Variants in PTPN2 observed in about 807,000 individuals in gnomAD.
The protein encoded by PTPN2 is protein tyrosine phosphatase non-receptor type 2, also known as tyrosine-protein phosphatase non-receptor type 2.
PTPN2 carries 19 observed loss-of-function variants against 57.3 expected under a neutral mutation model. The ratio of observed to expected loss-of-function variants is 0.33; its 90% confidence interval spans 0.23 to 0.49. The LOEUF is 0.49. PTPN2 is among the 20% of genes least tolerant of loss of function. The pLI is 0.99. For synonymous variants in PTPN2, 153 were observed against 164.9 expected (o/e 0.93, Z 0.55); for missense variants, 358 against 501.1 (o/e 0.71, Z 2.73).
At chr18:12,807,585 A>AAAAAAAAAAAAAAAAAATATT (rs2041714783) in intron 7 of PTPN2, among the ~76,000 whole-genome samples, 1 of 79,420 alleles carries the variant, frequency 1.3e-5, no homozygotes, top group African/African-American at 3.8e-5. Context: ...AAAAAAAAAA[A>AAAAAAAAAAAAAAAAAATATT]AATATATATA....
chr18:12,814,652 G>A (rs1338088923), intron 6 of PTPN2, among the ~76,000 whole-genome samples: 1 of 152,062 alleles, frequency 6.6e-6, no homozygotes, highest in Non-Finnish European at 1.5e-5. Flanking sequence ...TTAAAGGAAG[G>A]ATTTATAACC....
intron 7 of PTPN2, among the ~76,000 whole-genome samples, chr18:12,804,672 A>C (rs1364426515): frequency 6.6e-6 from 1 of 152,200 alleles, no homozygotes; most frequent in Admixed American, 6.5e-5. Context: ...ACGAACTATC[A>C]AAACGGAACC....
intron 8 of PTPN2, among the ~76,000 whole-genome samples, chr18:12,800,543 C>T (rs981374661): frequency 1.1e-4 from 17 of 152,046 alleles, no homozygotes; most frequent in Admixed American, 3.3e-4. Context: ...AATAACATTA[C>T]TAAATCATAA....
intron 1 of PTPN2, among the ~76,000 whole-genome samples, chr18:12,861,002 C>T (rs1396931553): frequency 6.6e-6 from 1 of 152,026 alleles, no homozygotes; most frequent in African/African-American, 2.4e-5. Flanking sequence ...AGTTAGGTGC[C>T]ATTTTGTTTA....
intron 7 of PTPN2, among the ~76,000 whole-genome samples, chr18:12,805,926 C>G (rs2041633348): frequency 6.6e-6 from 1 of 152,154 alleles, no homozygotes. Flanking sequence ...CCGCACCGGG[C>G]TAGGATGCCC....
chr18:12,864,552 C>G (rs201284481), intron 1 of PTPN2, among the ~76,000 whole-genome samples: 1 of 152,042 alleles, frequency 6.6e-6, no homozygotes, highest in African/African-American at 2.4e-5. Flanking sequence ...CCCGCCACCA[C>G]GCCCGGCTAA....
chr18:12,848,367 C>A (rs1322150209), intron 2 of PTPN2, among the ~76,000 whole-genome samples: 1 of 152,218 alleles, frequency 6.6e-6, no homozygotes, highest in African/African-American at 2.4e-5. Context: ...AATATGTCCA[C>A]AATTCACTGA....
intron 1 of PTPN2, among the ~76,000 whole-genome samples, chr18:12,881,488 A>G (rs1489036359): frequency 6.6e-6 from 1 of 152,126 alleles, no homozygotes; most frequent in African/African-American, 2.4e-5. Context: ...CAATTCCACA[A>G]TGAGTTCCTA....
intron 1 of PTPN2, among the ~76,000 whole-genome samples, chr18:12,882,318 G>A (rs1236512840): frequency 6.6e-6 from 1 of 152,112 alleles, no homozygotes; most frequent in East Asian, 1.9e-4. Context: ...AGGATTCCTC[G>A]GTAAGAATCT....
At chr18:12,838,158 A>G (rs993073680) in intron 2 of PTPN2, among the ~76,000 whole-genome samples, 4 of 152,258 alleles carry the variant, frequency 2.6e-5, no homozygotes, top group Non-Finnish European at 5.9e-5. Flanking sequence ...TTTTAAAATT[A>G]AAGTTCCACT....
intron 2 of PTPN2, among the ~76,000 whole-genome samples, chr18:12,842,584 G>A (rs1372700636): frequency 1.3e-5 from 2 of 152,130 alleles, no homozygotes; most frequent in African/African-American, 4.8e-5. Context: ...AGTGTTCCAA[G>A]CACAGAGAAC....
rs1397738434 is a variant in PTPN2, at chr18:12,793,299, G to A, written c.*979C>T. On this transcript the variant is annotated 3_prime_UTR_variant, in exon 9 of 9. Coordinates refer to ENST00000309660, the MANE Select transcript of PTPN2 (RefSeq NM_002828.4). Reference sequence around the variant, plus strand: ...TATTGAAGTAGAAAGAAACTGAAAAGTGTTTACTTCAAAACTTCAGTCTAG... The same window carrying A: ...TATTGAAGTAGAAAGAAACTGAAAAATGTTTACTTCAAAACTTCAGTCTAG... 3 of 972,068 alleles carry A rather than the reference G, an allele frequency of 3.1e-6. No individual in the cohort carries two copies. The highest frequency in any genetic ancestry group is 6.2e-5 in the Admixed American group (1 of 16,244). The allele number at this position is 972,068 out of a possible 1,614,324, so 60.2% of individuals were successfully genotyped here. A position where few individuals can be genotyped will look rare whatever the true frequency, so the allele number is the denominator to read the frequency against.
intron 7 of PTPN2, among the ~76,000 whole-genome samples, chr18:12,804,496 C>A (rs144700450): frequency 1.4e-4 from 21 of 149,514 alleles, no homozygotes; most frequent in African/African-American, 5.2e-4. Flanking sequence ...CAAACAAAAT[C>A]AACAAACCTA....
chr18:12,793,129 A>T lies in PTPN2; in HGVS notation c.*1149T>A, dbSNP rs1008722404. 4 of 984,704 alleles carry T rather than the reference A, an allele frequency of 4.1e-6. No individual in the cohort carries two copies. In the African/African-American group the frequency reaches 7.0e-5, roughly 17 times the overall value. The allele number at this position is 984,704 out of a possible 1,614,324, so 61.0% of individuals were successfully genotyped here. On this transcript the variant is annotated 3_prime_UTR_variant, in exon 9 of 9. Transcript: ENST00000309660. Reference sequence around the variant, plus strand: ...TGTAACAACAATTTCAAGTTTAAGTAAGACAAATTAAACACTGAATGGAAT... The same window carrying T: ...TGTAACAACAATTTCAAGTTTAAGTTAGACAAATTAAACACTGAATGGAAT...
intron 8 of PTPN2, among the ~76,000 whole-genome samples, chr18:12,799,894 G>A (rs1264794996): frequency 6.6e-6 from 1 of 152,068 alleles, no homozygotes; most frequent in East Asian, 1.9e-4. Context: ...ACCTCCCACA[G>A]CACTGAGATT....
chr18:12,826,202 A>T (rs550894054), intron 4 of PTPN2, among the ~76,000 whole-genome samples: 1 of 152,330 alleles, frequency 6.6e-6, no homozygotes, highest in East Asian at 1.9e-4. Flanking sequence ...CAGGAGTTCG[A>T]GACCAACCTG....
rs201977065 is a variant in PTPN2, at chr18:12,859,204, T to C, written c.120A>G (p.Pro40=). 4 of 1,613,666 alleles carry C rather than the reference T, an allele frequency of 2.5e-6. No individual in the cohort carries two copies. In the Admixed American group the frequency reaches 5.0e-5, roughly 20 times the overall value. The part of the protein sequence containing the change: ...HDYPHRVAKF[P]ENRNRNRYRD... Reference sequence around the variant, plus strand: ...TGTATCTGTTTCGATTTCTGTTTTCTGGAAACTTGGCCACTCTATGAGGAT... The same window carrying C: ...TGTATCTGTTTCGATTTCTGTTTTCCGGAAACTTGGCCACTCTATGAGGAT... Residue 40 remains proline (P), a synonymous_variant, in exon 2 of 9, where the codon CCA becomes CCG. Coordinates refer to ENST00000309660, the MANE Select transcript of PTPN2 (RefSeq NM_002828.4).
intron 2 of PTPN2, among the ~76,000 whole-genome samples, chr18:12,837,477 A>T (rs1261661123): frequency 6.6e-6 from 1 of 152,220 alleles, no homozygotes; most frequent in Admixed American, 6.5e-5. Context: ...TTAACAGTTT[A>T]GAGATATTTC....
At chr18:12,867,895 C>T (rs1012072893) in intron 1 of PTPN2, among the ~76,000 whole-genome samples, 1 of 152,232 alleles carries the variant, frequency 6.6e-6, no homozygotes, top group Non-Finnish European at 1.5e-5. Context: ...TGAATTACAG[C>T]TGCCTCTACC....
Sources: allele counts gnomAD v4.1 joint callset (sites outside exome capture counted in the v4.1 genomes callset), GRCh38; gene constraint gnomAD v4.1.1; transcripts MANE v1.5; gene names NCBI Gene and HGNC (gene_info 2026-07-23, HGNC 2026-07-21).